PDE10A: variants seen among roughly 807,000 people sequenced by gnomAD.
PDE10A encodes phosphodiesterase 10A.
A neutral mutation model predicts 97.7 loss-of-function variants in PDE10A; 39 were observed. The ratio of observed to expected loss-of-function variants is 0.40; its 90% CI spans 0.31 to 0.52. The LOEUF (loss-of-function observed/expected upper bound fraction) is 0.52, where lower values mean the gene tolerates loss of function less well. Ranked by LOEUF, PDE10A falls within the 20% of genes least tolerant of loss-of-function variation. PDE10A has a pLI of 0.56. For missense variants in PDE10A, 731 were observed against 1,047.8 expected (o/e 0.70, Z 4.17); for synonymous variants, 371 against 376.8 (o/e 0.98, Z 0.18).
chr6:165,333,767 C>T (rs1781479720), intron 21 of PDE10A, among the ~76,000 whole-genome samples: 1 of 152,202 alleles, frequency 6.6e-6, no homozygotes, highest in East Asian at 1.9e-4. Context: ...TCAAGCTTCA[C>T]AGGCATCGTC....
chr6:165,446,407 TTAAGA>T (rs1790851824), intron 5 of PDE10A, among the ~76,000 whole-genome samples: 1 of 152,152 alleles, frequency 6.6e-6, no homozygotes, highest in Non-Finnish European at 1.5e-5. Flanking sequence ...TTGAGTGAAC[TTAAGA>T]TTTCTCAGCC....
intron 3 of PDE10A, among the ~76,000 whole-genome samples, chr6:165,478,844 T>C (rs1046947729): frequency 2.6e-5 from 4 of 152,166 alleles, no homozygotes; most frequent in African/African-American, 7.2e-5. Flanking sequence ...TTCCTTTCTA[T>C]TGATTCCAGG....
intron 1 of PDE10A, among the ~76,000 whole-genome samples, chr6:165,640,397 AAGTTT>A (rs1789077062): frequency 6.6e-6 from 1 of 152,216 alleles, no homozygotes; most frequent in Non-Finnish European, 1.5e-5. Flanking sequence ...TTGGTCTGCA[AAGTTT>A]AAAAGTAAAA....
At chr6:165,916,525 T>C (rs1169541683) in intron 1 of PDE10A, among the ~76,000 whole-genome samples, 1 of 152,230 alleles carries the variant, frequency 6.6e-6, no homozygotes, top group Non-Finnish European at 1.5e-5. Context: ...TGCTGTGTCT[T>C]ACGGGACAAC....
intron 1 of PDE10A, chr6:165,939,308 C>T (rs1783437135): frequency 6.6e-6 from 1 of 152,142 alleles, no homozygotes; most frequent in African/African-American, 2.4e-5. Context: ...TGCAAGTCCA[C>T]GTGGATGTAT....
At chr6:165,864,131 C>T (rs1347025030) in intron 1 of PDE10A, among the ~76,000 whole-genome samples, 1 of 152,022 alleles carries the variant, frequency 6.6e-6, no homozygotes. Flanking sequence ...CTATGCTTCG[C>T]TGTTCTGGCC....
chr6:165,524,008 T>A (rs1344821485), intron 2 of PDE10A, among the ~76,000 whole-genome samples: 3 of 152,112 alleles, frequency 2.0e-5, no homozygotes, highest in Admixed American at 6.6e-5. Context: ...CAGAAAGACA[T>A]GAAAAGGTGA....
At chr6:165,621,425 T>C (rs1788128505) in intron 1 of PDE10A, among the ~76,000 whole-genome samples, 1 of 152,054 alleles carries the variant, frequency 6.6e-6, no homozygotes, top group Non-Finnish European at 1.5e-5. Context: ...CAAAATAGGA[T>C]CTCCGGCAGG....
chr6:165,680,320 G>A (rs918983275), intron 1 of PDE10A, among the ~76,000 whole-genome samples: 2 of 152,204 alleles, frequency 1.3e-5, no homozygotes, highest in Non-Finnish European at 1.5e-5. Flanking sequence ...ACAAAAGCAA[G>A]AAGGATCACC....
chr6:165,331,280 T>G lies in PDE10A; in HGVS notation c.*1745A>C, dbSNP rs1456247846. The G allele has an allele frequency of 6.6e-6, 1 of 152,200 alleles. No individual in the cohort carries two copies. The highest frequency in any genetic ancestry group is 6.5e-5 in the Admixed American group (1 of 15,284). 9.4% of individuals were successfully genotyped at this position (152,200 alleles called of 1,614,324 possible). A position where few individuals can be genotyped will look rare whatever the true frequency, so the allele number is the denominator to read the frequency against. Reference sequence around the variant, plus strand: ...TACTTCTCTCTCTTTTGTTATTACATTTTACCTCATAGTGTATAATGAAAA... The same window carrying G: ...TACTTCTCTCTCTTTTGTTATTACAGTTTACCTCATAGTGTATAATGAAAA... On this transcript the variant is annotated 3_prime_UTR_variant, in exon 22 of 22. Coordinates refer to ENST00000539869, the MANE Select transcript of PDE10A (RefSeq NM_001385079.1).
At chr6:165,476,727 T>C (rs925348547) in intron 3 of PDE10A, among the ~76,000 whole-genome samples, 3 of 152,144 alleles carry the variant, frequency 2.0e-5, no homozygotes, top group African/African-American at 7.2e-5. Context: ...AATGAGACAC[T>C]TATAAATACA....
intron 1 of PDE10A, among the ~76,000 whole-genome samples, chr6:165,883,228 T>C (rs1251229388): frequency 6.6e-6 from 1 of 151,768 alleles, no homozygotes; most frequent in Non-Finnish European, 1.5e-5. Flanking sequence ...AGAGCAAGAC[T>C]CTGTCAAAGA....
At chr6:165,749,231 TCACCACCATCACATCACCATC>T in intron 1 of PDE10A, among the ~76,000 whole-genome samples, 5 of 118,218 alleles carry the variant, frequency 4.2e-5, no homozygotes, top group Non-Finnish European at 7.0e-5. Flanking sequence ...CATATCACCA[TCACCACCATCACATCACCATC>T]ATCACCATTA....
chr6:165,410,871 G>A lies in PDE10A; in HGVS notation c.2076+2630C>T, dbSNP rs557932673. On this transcript the variant is annotated intron_variant, in intron 13 of 21. Transcript: ENST00000539869. ...TGGGAGGCCGAGGCGGGCGGATCAC[G>A]AGGTCAGGAGATCGAGACCATCCTG... is the stretch of plus-strand genomic sequence containing the variant. Among the ~76,000 whole-genome samples the A allele has an allele frequency of 4.9e-5, 7 of 144,180 alleles. No individual in the cohort carries two copies. The East Asian group carries it at 6.0e-4, about 12-fold the overall frequency. 94.6% of individuals were successfully genotyped at this position (144,180 alleles called of 152,430 possible). A position where few individuals can be genotyped will look rare whatever the true frequency, so the allele number is the denominator to read the frequency against.
intron 2 of PDE10A, among the ~76,000 whole-genome samples, chr6:165,527,748 G>T (rs1349757924): frequency 6.6e-6 from 1 of 152,218 alleles, no homozygotes; most frequent in African/African-American, 2.4e-5. Context: ...GCACAAGTAA[G>T]TTACATGAGG....
At chr6:165,855,302 TGGCG>T (rs1780697833) in intron 1 of PDE10A, among the ~76,000 whole-genome samples, 1 of 5,808 alleles carries the variant, frequency 1.7e-4, no homozygotes. Context: ...GCGCGGGAAG[TGGCG>T]GGGGGGGGGG....
At chr6:165,890,474 C>A (rs1461098757) in intron 1 of PDE10A, among the ~76,000 whole-genome samples, 1 of 151,012 alleles carries the variant, frequency 6.6e-6, no homozygotes, top group Non-Finnish European at 1.5e-5. Flanking sequence ...TTTTTGTCCT[C>A]CTGAGTATGT....
intron 1 of PDE10A, among the ~76,000 whole-genome samples, chr6:165,609,556 G>T (rs1328307387): frequency 6.6e-6 from 1 of 152,314 alleles, no homozygotes; most frequent in East Asian, 1.9e-4. Flanking sequence ...CAGGAAAAGA[G>T]GAAGTCAAAT....
At chr6:165,406,571 T>G (rs2128223429) in intron 13 of PDE10A, among the ~76,000 whole-genome samples, 1 of 152,256 alleles carries the variant, frequency 6.6e-6, no homozygotes, top group East Asian at 1.9e-4. Context: ...TTCCTAAACT[T>G]TCCCCCTTCA....
Sources: gnomAD v4.1 joint callset for allele counts (sites outside exome capture counted in the v4.1 genomes callset) on GRCh38, gnomAD v4.1.1 for gene constraint, MANE v1.5 for transcripts, NCBI Gene and HGNC (gene_info 2026-07-23, HGNC 2026-07-21) for gene names.